COL4A3: variants seen among roughly 807,000 people sequenced by gnomAD.
COL4A3 encodes collagen alpha-3(IV) chain.
In COL4A3, 135 loss-of-function variants were observed where a neutral mutation model predicts 217.4. That is an observed-to-expected ratio of 0.62 (90% CI 0.54 to 0.72). The LOEUF (loss-of-function observed/expected upper bound fraction) is 0.72. Ranked by LOEUF, COL4A3 falls within the 30% of genes least tolerant of loss-of-function variation. COL4A3 has a pLI of 0.00. For missense variants in COL4A3, 1,868 were observed against 2,119.9 expected, an observed-to-expected ratio of 0.88 and a Z score of 2.33; for synonymous variants, 690 against 736.3, an observed-to-expected ratio of 0.94 and a Z score of 1.02.
At chr2:227,259,507 G>A (rs1450900959) in intron 18 of COL4A3, among the ~76,000 whole-genome samples, 1 of 152,212 alleles carries the variant, frequency 6.6e-6, no homozygotes, top group Non-Finnish European at 1.5e-5. Flanking sequence ...ATGTATGAAT[G>A]TGTACATATA....
At position 227,253,220 on chromosome 2, in the gene COL4A3, T is replaced by C. The variant is rs1451356703; in HGVS notation, c.646-76T>C. ...AAATATAAATGCTCCCTTACAAATA[T>C]TGGAACTTTGATGGGTTTAGACTAT... is the stretch of plus-strand genomic sequence containing the variant. On this transcript the variant is annotated intron_variant, in intron 11 of 51. Transcript: ENST00000396578. This position sits in a 1 kb window ranked among gnomAD's most constrained non-coding sequence, Gnocchi z 4.4. 1.6e-6 allele frequency: 2 copies of C among 1,213,552 alleles called. No individual in the cohort carries two copies. Among genetic ancestry groups the C allele is most frequent in the Non-Finnish European group, 2.4e-6 (2 of 826,030 alleles). 75.2% of individuals were successfully genotyped at this position (1,213,552 alleles called of 1,614,324 possible).
chr2:227,250,338 TGATAGATAGATAGATA>T lies in COL4A3; in HGVS notation c.547-769_547-754del, dbSNP rs59489597. 2.8e-3 allele frequency among the ~76,000 whole-genome samples: 412 copies of T among 146,722 alleles called. 2 individuals carry two copies. The highest frequency in any genetic ancestry group is 7.1e-3 in the African/African-American group (278 of 39,406). On this transcript the variant is annotated intron_variant, in intron 9 of 51. Transcript: ENST00000396578. This position sits in a 1 kb window ranked among gnomAD's most constrained non-coding sequence, Gnocchi z 4.1. Reference sequence around the variant, plus strand: ...AAAAAATAGGTAGATAGATAAAAGATGATAGATAGATAGATAGATAGATAGATAGATAGATAGATAG... The same window carrying T: ...AAAAAATAGGTAGATAGATAAAAGATGATAGATAGATAGATAGATAGATAG...
intron 8 of COL4A3, chr2:227,248,232 A>C: frequency 1.0e-5 from 5 of 490,392 alleles, no homozygotes; most frequent in East Asian, 4.7e-5. Context: ...GTGCCACTGT[A>C]CTGGGCCCAC....
At chr2:227,215,383 G>A (rs754686675) in intron 1 of COL4A3, among the ~76,000 whole-genome samples, 40 of 152,088 alleles carry the variant, frequency 2.6e-4, no homozygotes, top group Non-Finnish European at 5.0e-4. Flanking sequence ...TTTATGAGTT[G>A]CTGTAATATT....
chr2:227,286,439 G>A (rs1179176277), intron 34 of COL4A3, among the ~76,000 whole-genome samples: 1 of 152,174 alleles, frequency 6.6e-6, no homozygotes, highest in Admixed American at 6.5e-5. Flanking sequence ...AGGTTGCAAT[G>A]AGCTGAGATT....
chr2:227,191,529 G>A lies in COL4A3; in HGVS notation c.87+26716G>A, dbSNP rs1041754123. Reference sequence around the variant, plus strand: ...GGAGCTCCCCTGTTGGCCATTCCCCGCATCAAGGATTCAAAGAACCTGCCA... The same window carrying A: ...GGAGCTCCCCTGTTGGCCATTCCCCACATCAAGGATTCAAAGAACCTGCCA... On this transcript the variant is annotated intron_variant, in intron 1 of 51. Coordinates refer to ENST00000396578, the MANE Select transcript of COL4A3 (RefSeq NM_000091.5). This position sits in a 1 kb window ranked among gnomAD's most constrained non-coding sequence, Gnocchi z 6.8. Among the ~76,000 whole-genome samples the A allele has an allele frequency of 7.9e-5, 12 of 152,100 alleles. No individual in the cohort carries two copies. The highest frequency in any genetic ancestry group is 2.2e-4 in the African/African-American group (9 of 41,436).
intron 1 of COL4A3, among the ~76,000 whole-genome samples, chr2:227,202,676 A>C (rs2066739758): frequency 6.7e-6 from 1 of 149,458 alleles, no homozygotes; most frequent in African/African-American, 2.5e-5. Flanking sequence ...CAGAGCTTGC[A>C]GTGAGCCGAG....
At chr2:227,207,267 A>C (rs1423643981) in intron 1 of COL4A3, among the ~76,000 whole-genome samples, 1 of 152,258 alleles carries the variant, frequency 6.6e-6, no homozygotes, top group Non-Finnish European at 1.5e-5. Context: ...GTAACCCCAC[A>C]GAAATGGAAT....
chr2:227,266,278 A>G, intron 21 of COL4A3, 139 bp from the exon 22 acceptor site: 2 of 708,622 alleles, frequency 2.8e-6, no homozygotes, highest in South Asian at 3.2e-5. Flanking sequence ...ATGCTTTCTC[A>G]GTTGCAGATA....
rs1359283932 is a variant in COL4A3 at position 227,251,211 on chromosome 2, C to G, written c.609+9C>G. The G allele has an allele frequency of 1.2e-6, 2 of 1,611,920 alleles. No individual in the cohort carries two copies. The highest frequency in any genetic ancestry group is 2.2e-5 in the South Asian group (2 of 90,994). Reference sequence around the variant, plus strand: ...GTCCTCCGGGATTCTTTGTGAGTATCAAGTCATCCTTGCTACAGACTCTGT... The same window carrying G: ...GTCCTCCGGGATTCTTTGTGAGTATGAAGTCATCCTTGCTACAGACTCTGT... On this transcript the variant is annotated intron_variant, in intron 10 of 51. Coordinates refer to ENST00000396578, the MANE Select transcript of COL4A3 (RefSeq NM_000091.5).
chr2:227,294,577 T>C lies in COL4A3; in HGVS notation c.3418+7T>C. 1 of 1,597,826 alleles carries C rather than the reference T, an allele frequency of 6.3e-7. No individual in the cohort carries two copies. The highest frequency in any genetic ancestry group is 1.1e-5 in the South Asian group (1 of 90,770). ...GGAATCAGAGGCCCTCCAGGTTTCA[T>C]TTTTGTACTTTCTCTTTTTCCTTTT... On this transcript the variant is annotated splice_region_variant and intron_variant, in intron 39 of 51. Transcript: ENST00000396578.
At chr2:227,249,230 A>ATATATATATATATATATATTT in intron 9 of COL4A3, among the ~76,000 whole-genome samples, 2 of 14,690 alleles carry the variant, frequency 1.4e-4, no homozygotes, top group African/African-American at 2.7e-4. Flanking sequence ...ATATATATAT[A>ATATATATATATATATATATTT]TTTTTTTTTT....
chr2:227,214,267 T>C (rs1206952702), intron 1 of COL4A3, among the ~76,000 whole-genome samples: 1 of 152,220 alleles, frequency 6.6e-6, no homozygotes, highest in Admixed American at 6.5e-5. Flanking sequence ...ATATATATTA[T>C]ACCTTTTCTC....
chr2:227,239,853 G>A (rs569801704), intron 2 of COL4A3, among the ~76,000 whole-genome samples: 40 of 151,946 alleles, frequency 2.6e-4, no homozygotes, highest in Admixed American at 6.5e-4. Context: ...TTTTTATTCC[G>A]TCTCCCTTAA....
At position 227,275,325 on chromosome 2, in the gene COL4A3, C is replaced by T. The variant is rs533049079; in HGVS notation, c.1928-1060C>T. ...CCTCCTGAGTAGCTGGGATTACAGG[C>T]GCACACCACCAGGCCTGATTAATTT... On this transcript the variant is annotated intron_variant, in intron 26 of 51. Coordinates refer to ENST00000396578, the MANE Select transcript of COL4A3 (RefSeq NM_000091.5). Among the ~76,000 whole-genome samples the T allele has an allele frequency of 2.0e-5, 3 of 152,156 alleles. No individual in the cohort carries two copies. The East Asian group carries it at 5.8e-4, about 29-fold the overall frequency.
chr2:227,271,020 C>A, intron 25 of COL4A3, 68 bp downstream of exon 25: 4 of 1,542,040 alleles, frequency 2.6e-6, no homozygotes, highest in Non-Finnish European at 3.6e-6. Context: ...AAAGTGATTT[C>A]TTTTCCAAAA....
At chr2:227,180,722 C>T (rs1172283181) in intron 1 of COL4A3, among the ~76,000 whole-genome samples, 1 of 152,162 alleles carries the variant, frequency 6.6e-6, no homozygotes, top group East Asian at 1.9e-4. Context: ...TCTCCTGAAA[C>T]AATACAATCG....
At chr2:227,259,705 C>A in intron 18 of COL4A3, 88 bp from the exon 19 acceptor site, 1 of 992,146 alleles carries the variant, frequency 1.0e-6, no homozygotes, top group Non-Finnish European at 1.6e-6. Flanking sequence ...CATCTTTGGG[C>A]CAAAATGAAG....
intron 43 of COL4A3, 114 bp from the exon 44 acceptor site, chr2:227,302,924 A>G: frequency 1.4e-6 from 1 of 716,348 alleles, no homozygotes; most frequent in Non-Finnish European, 2.5e-6. Flanking sequence ...TGCTAACTTC[A>G]GCTTATTCTC....
Sources: allele counts gnomAD v4.1 joint callset (sites outside exome capture counted in the v4.1 genomes callset), GRCh38; gene constraint gnomAD v4.1.1; non-coding constraint Gnocchi (gnomAD v3.1); transcripts MANE v1.5; gene names NCBI Gene and HGNC (gene_info 2026-07-23, HGNC 2026-07-21).